The following DDX46 variants were observed in gnomAD, a reference collection of about 807,000 sequenced individuals.
DDX46 encodes the protein probable ATP-dependent RNA helicase DDX46.
In DDX46, 30 loss-of-function variants were observed where a neutral mutation model predicts 134.9. The observed-to-expected ratio is 0.22, with a 90% CI of 0.17 to 0.30. The LOEUF (loss-of-function observed/expected upper bound fraction) is 0.30. Ranked by LOEUF, DDX46 falls within the 10% of genes least tolerant of loss-of-function variation. The pLI is 1.00. For synonymous variants in DDX46, 415 were observed against 404.1 expected, an observed-to-expected ratio of 1.03 and a Z score of -0.32; for missense variants, 622 against 1,248.7, an observed-to-expected ratio of 0.50 and a Z score of 7.56.
At chr5:134,790,974 G>C (rs1034854527) in intron 13 of DDX46, among the ~76,000 whole-genome samples, 1 of 142,346 alleles carries the variant, frequency 7.0e-6, no homozygotes, top group East Asian at 2.2e-4. Flanking sequence ...ACAGGTGCCC[G>C]CCACCACGCC....
chr5:134,798,495 G>T (rs955060538), intron 15 of DDX46, among the ~76,000 whole-genome samples: 1 of 152,146 alleles, frequency 6.6e-6, no homozygotes, highest in East Asian at 1.9e-4. Flanking sequence ...GAACCACCAC[G>T]CCCGGCCTTA....
rs777807534 is a variant in DDX46, at chr5:134,788,639, C to T, written c.1543+48C>T. 2.6e-6 allele frequency: 4 copies of T among 1,524,536 alleles called. No homozygotes were observed. The African/African-American group carries it at 4.2e-5, about 16-fold the overall frequency. The allele number at this position is 1,524,536 out of a possible 1,614,324, so 94.4% of individuals were successfully genotyped here. A position where few individuals can be genotyped will look rare whatever the true frequency, so the allele number is the denominator to read the frequency against. ...GTGTCTTTTATTTTTGAATTCTTTA[C>T]TTTTTTTTGTTAAAACAGATGCAAG... is the stretch of plus-strand genomic sequence containing the variant. On this transcript the variant is annotated intron_variant, in intron 12 of 22. Transcript: ENST00000452510.
At position 134,773,837 on chromosome 5, in the gene DDX46, A is replaced by G; in HGVS notation, c.589A>G (p.Lys197Glu). ...KEIEEMKQGKKWSLEDDDDDE... is the reference protein window; with the variant it reads ...KEIEEMKQGKEWSLEDDDDDE... ...AATCGAAGAGATGAAACAAGGGAAA[A>G]AGTGGAGTTTAGAGGACGATGATGG... The change falls in exon 5 of 23, where the codon AAG becomes GAG. Residue 197 changes from lysine (K) to glutamate (E), a missense_variant. Physicochemically the swap from Lys to Glu is moderately conservative, Grantham distance 56 (BLOSUM62 1). This residue lies in a region of DDX46 where 244 missense variants were observed against 349.3 expected (regional missense o/e 0.70). Coordinates refer to ENST00000452510, the MANE Select transcript of DDX46 (RefSeq NM_001300860.2). 3 of 1,610,466 alleles carry G rather than the reference A, an allele frequency of 1.9e-6. No individual in the cohort carries two copies. The highest frequency in any genetic ancestry group is 2.5e-6 in the Non-Finnish European group (3 of 1,178,936).
intron 21 of DDX46, chr5:134,826,334 A>C (rs184597192): frequency 6.6e-6 from 1 of 152,324 alleles, no homozygotes; most frequent in Non-Finnish European, 1.5e-5. Context: ...AGCCTACCTC[A>C]TCTAGTCAGC....
intron 16 of DDX46, 75 bp downstream of exon 16, chr5:134,808,016 A>G (rs1755037631): frequency 1.5e-6 from 2 of 1,325,772 alleles, no homozygotes; most frequent in Non-Finnish European, 2.0e-6. Context: ...CAAGGAGTAG[A>G]TAATAGGAGT....
chr5:134,770,839 A>G lies in DDX46; in HGVS notation c.351-64A>G, dbSNP rs1753741745. ...CTCAAAAAAAAAAAAAAAAGTATTT[A>G]AAAATGAATGTTTCTAAGTACAAAT... On this transcript the variant is annotated intron_variant, in intron 3 of 22. Coordinates refer to ENST00000452510, the MANE Select transcript of DDX46 (RefSeq NM_001300860.2). 10 of 1,375,772 alleles carry G rather than the reference A, an allele frequency of 7.3e-6. 1 individual carries two copies. In the South Asian group the frequency reaches 1.2e-4, roughly 17 times the overall value. 85.2% of individuals were successfully genotyped at this position (1,375,772 alleles called of 1,614,324 possible).
At chr5:134,794,768 T>C (rs930590639) in intron 13 of DDX46, 82 bp from the exon 14 acceptor site, 9 of 1,529,206 alleles carry the variant, frequency 5.9e-6, no homozygotes, top group Middle Eastern at 1.8e-4. Context: ...TTCTCAAAAG[T>C]TCCTTTTACT....
intron 11 of DDX46, among the ~76,000 whole-genome samples, chr5:134,785,953 A>T (rs538464131): frequency 6.6e-6 from 1 of 151,548 alleles, no homozygotes; most frequent in African/African-American, 2.4e-5. Flanking sequence ...GGTTCAAGCG[A>T]TTCTCCTACC....
intron 18 of DDX46, among the ~76,000 whole-genome samples, chr5:134,812,596 T>C (rs1344466480): frequency 6.6e-6 from 1 of 152,150 alleles, no homozygotes; most frequent in African/African-American, 2.4e-5. Context: ...CAGAACCCAG[T>C]TGTCCTATTA....
intron 3 of DDX46, among the ~76,000 whole-genome samples, chr5:134,768,217 C>T (rs1280732037): frequency 6.6e-6 from 1 of 151,336 alleles, no homozygotes; most frequent in Non-Finnish European, 1.5e-5. Context: ...TCAAGTAATT[C>T]TCTTGCCTCA....
At chr5:134,780,615 A>G (rs1197837263) in intron 6 of DDX46, 1 of 149,468 alleles carries the variant, frequency 6.7e-6, no homozygotes, top group Non-Finnish European at 1.5e-5. Context: ...ATGTATAATT[A>G]TATAAAATTA....
At chr5:134,814,954 A>T (rs578255239) in intron 18 of DDX46, among the ~76,000 whole-genome samples, 1 of 152,312 alleles carries the variant, frequency 6.6e-6, no homozygotes, top group East Asian at 1.9e-4. Flanking sequence ...ATGTTTTAAG[A>T]AGAATCTAAG....
At chr5:134,790,013 T>C (rs1454001994) in intron 12 of DDX46, 1 of 452,814 alleles carries the variant, frequency 2.2e-6, no homozygotes, top group African/African-American at 2.0e-5. Context: ...GGTTATAAAA[T>C]AATATAGAGA....
At chr5:134,780,606 T>A (rs1447513548) in intron 6 of DDX46, 5 of 142,814 alleles carry the variant, frequency 3.5e-5, no homozygotes. Flanking sequence ...AAATAAAGTA[T>A]GTATAATTAT....
At chr5:134,815,479 T>C (rs1158935438) in intron 18 of DDX46, among the ~76,000 whole-genome samples, 2 of 151,790 alleles carry the variant, frequency 1.3e-5, no homozygotes, top group African/African-American at 2.4e-5. Context: ...GAGGCCAAGG[T>C]GGGCGGATCA....
chr5:134,784,667 T>G, intron 10 of DDX46, 126 bp downstream of exon 10: 1 of 1,069,768 alleles, frequency 9.3e-7, no homozygotes, highest in Non-Finnish European at 1.2e-6. Flanking sequence ...TCTTTATCAA[T>G]TTGGCACTTT....
intron 5 of DDX46, among the ~76,000 whole-genome samples, chr5:134,776,106 T>TA (rs1253533033): frequency 6.6e-6 from 1 of 152,102 alleles, no homozygotes; most frequent in Non-Finnish European, 1.5e-5. Flanking sequence ...TTAAGAGAAT[T>TA]AGAGGCTGGG....
intron 1 of DDX46, among the ~76,000 whole-genome samples, chr5:134,759,852 A>G (rs776261429): frequency 2.6e-5 from 4 of 152,212 alleles, no homozygotes; most frequent in Non-Finnish European, 4.4e-5. Flanking sequence ...TAACTACAGA[A>G]AATTCCTGTG....
chr5:134,780,098 ATGTGTGTGTGTGTG>A (rs71583216), intron 6 of DDX46, among the ~76,000 whole-genome samples: 63 of 139,578 alleles, frequency 4.5e-4, no homozygotes, highest in South Asian at 1.4e-3. Flanking sequence ...AAAAAAATAT[ATGTGTGTGTGTGTG>A]TGTGTGTGTG....
Sources: gnomAD v4.1 joint callset for allele counts (sites outside exome capture counted in the v4.1 genomes callset) on GRCh38, gnomAD v4.1.1 for gene constraint, gnomAD v4.1.1 regional missense constraint, MANE v1.5 for transcripts, NCBI Gene and HGNC (gene_info 2026-07-23, HGNC 2026-07-21) for gene names.